Variants in NFIA observed in about 807,000 individuals in gnomAD.
NFIA encodes the protein nuclear factor I A.
A neutral mutation model predicts 62.8 loss-of-function variants in NFIA; 8 were observed. The ratio of observed to expected loss-of-function variants is 0.13; its 90% CI spans 0.07 to 0.23. NFIA has a LOEUF of 0.23. Among genes scored for constraint, NFIA ranks in the 10% least tolerant of loss-of-function variants. The pLI is 1.00. For missense variants in NFIA, 410 were observed against 642.1 expected, an observed-to-expected ratio of 0.64 and a Z score of 3.91; for synonymous variants, 235 against 238.1, an observed-to-expected ratio of 0.99 and a Z score of 0.12.
chr1:61,158,493 C>T (rs1428586860), intron 2 of NFIA, among the ~76,000 whole-genome samples: 1 of 152,096 alleles, frequency 6.6e-6, no homozygotes, highest in African/African-American at 2.4e-5. Flanking sequence ...CATTCAGATG[C>T]CTAGGATTAA....
At chr1:61,383,681 A>T (rs922128106) in intron 7 of NFIA, among the ~76,000 whole-genome samples, 3 of 151,640 alleles carry the variant, frequency 2.0e-5, no homozygotes, top group African/African-American at 7.3e-5. Context: ...TGTGTGTGAG[A>T]GAGAGAGACA....
At chr1:61,173,757 G>C (rs1296627790) in intron 2 of NFIA, among the ~76,000 whole-genome samples, 7 of 152,108 alleles carry the variant, frequency 4.6e-5, no homozygotes, top group Non-Finnish European at 1.0e-4. Context: ...GGGAGAATGA[G>C]GGTACATGCC....
Position 61,212,030 on chromosome 1 carries a change from T to G in NFIA, c.560-65490T>G, listed in dbSNP as rs10493306. 5.9e-5 allele frequency among the ~76,000 whole-genome samples: 9 copies of G among 152,270 alleles called. No individual in the cohort carries two copies. In the East Asian group the frequency reaches 1.5e-3, roughly 26 times the overall value. On this transcript the variant is annotated intron_variant, in intron 2 of 10. Transcript: ENST00000403491. Reference sequence around the variant, plus strand: ...GAAGTTTTAGTCTTCATGAGTCTTATGCGCTTAGGGTGTGGATTTAAATTA... The same window carrying G: ...GAAGTTTTAGTCTTCATGAGTCTTAGGCGCTTAGGGTGTGGATTTAAATTA...
chr1:61,219,059 C>T (rs904303717), intron 2 of NFIA, among the ~76,000 whole-genome samples: 2 of 152,034 alleles, frequency 1.3e-5, no homozygotes, highest in Non-Finnish European at 2.9e-5. Flanking sequence ...TGGAGAAACC[C>T]CGTCTCTACT....
At position 61,387,468 on chromosome 1, in the gene NFIA, C is replaced by CTTTT. The variant is rs33965994; in HGVS notation, c.1075+4123_1075+4126dup. 4.1e-3 allele frequency among the ~76,000 whole-genome samples: 390 copies of CTTTT among 95,346 alleles called. 1 individual carries two copies. Among genetic ancestry groups the CTTTT allele is most frequent in the Middle Eastern group, 6.4e-3 (1 of 156 alleles). 62.6% of individuals were successfully genotyped at this position (95,346 alleles called of 152,430 possible). On this transcript the variant is annotated intron_variant, in intron 7 of 10. Coordinates refer to ENST00000403491, the MANE Select transcript of NFIA (RefSeq NM_001134673.4). ...TCCCCCAGATCAGCTCAAGCACTTT[C>CTTTT]TTTTTTTTTTTTTTTTTTTTTTTGA...
intron 1 of NFIA, among the ~76,000 whole-genome samples, chr1:61,083,746 A>G (rs1251661146): frequency 2.0e-5 from 3 of 150,956 alleles, no homozygotes; most frequent in South Asian, 2.1e-4. Context: ...CCCGGGCCGG[A>G]CACGGCTCCC....
intron 2 of NFIA, among the ~76,000 whole-genome samples, chr1:61,143,699 T>C (rs1234511886): frequency 1.3e-5 from 2 of 152,180 alleles, no homozygotes; most frequent in Non-Finnish European, 2.9e-5. Flanking sequence ...CCTTCATATG[T>C]TATTTCTGAT....
chr1:61,228,689 T>TA (rs1654482260), intron 2 of NFIA, among the ~76,000 whole-genome samples: 1 of 149,896 alleles, frequency 6.7e-6, no homozygotes, highest in East Asian at 1.9e-4. Context: ...TCTGTATTTT[T>TA]TAAAAAAAAT....
At chr1:61,255,905 A>G (rs368786594) in intron 2 of NFIA, among the ~76,000 whole-genome samples, 1 of 152,174 alleles carries the variant, frequency 6.6e-6, no homozygotes, top group East Asian at 1.9e-4. Flanking sequence ...CAAGCTTCCC[A>G]TGTCAACTAA....
intron 2 of NFIA, among the ~76,000 whole-genome samples, chr1:61,144,598 GA>G (rs1014098621): frequency 4.6e-5 from 7 of 152,172 alleles, no homozygotes; most frequent in African/African-American, 1.7e-4. Flanking sequence ...GAACTTGGGA[GA>G]GTTAGGAAAA....
chr1:61,356,647 T>C (rs893543845), intron 5 of NFIA, among the ~76,000 whole-genome samples: 8 of 152,214 alleles, frequency 5.3e-5, no homozygotes, highest in African/African-American at 1.9e-4. Context: ...TAGTTTTACA[T>C]AAAATATAGA....
chr1:61,274,303 G>A (rs780629255), intron 2 of NFIA, among the ~76,000 whole-genome samples: 199 of 152,242 alleles, frequency 1.3e-3, no homozygotes, highest in Non-Finnish European at 2.4e-3. Flanking sequence ...AAAATCCAAA[G>A]AAACATTGCT....
intron 2 of NFIA, among the ~76,000 whole-genome samples, chr1:61,256,883 G>A (rs1047576786): frequency 6.6e-6 from 1 of 152,082 alleles, no homozygotes; most frequent in Non-Finnish European, 1.5e-5. Flanking sequence ...GTGTGTGCTT[G>A]TGCCAGCCTG....
At chr1:61,287,255 A>G (rs1377167167) in intron 3 of NFIA, among the ~76,000 whole-genome samples, 2 of 152,212 alleles carry the variant, frequency 1.3e-5, no homozygotes, top group Non-Finnish European at 2.9e-5. Flanking sequence ...AGCATTGTTA[A>G]GGAATGAGAC....
At chr1:61,283,715 T>C (rs1204904936) in intron 3 of NFIA, among the ~76,000 whole-genome samples, 1 of 152,044 alleles carries the variant, frequency 6.6e-6, no homozygotes, top group Non-Finnish European at 1.5e-5. Flanking sequence ...TTATTCTCTT[T>C]AAAAATTGTG....
rs562014379 is a variant in NFIA, at chr1:61,434,354, C to T, written c.1512+7798C>T. Among the ~76,000 whole-genome samples the T allele has an allele frequency of 5.9e-5, 9 of 152,274 alleles. No homozygotes were observed. The South Asian group carries it at 1.9e-3, about 32-fold the overall frequency. ...GCAATCTGCTTCCCCTCCCTCCATA[C>T]TACTGTGGGCAGGAGTGAATCGTCC... On this transcript the variant is annotated intron_variant, in intron 10 of 10. Coordinates refer to ENST00000403491, the MANE Select transcript of NFIA (RefSeq NM_001134673.4).
At chr1:61,370,101 A>G (rs1193532091) in intron 6 of NFIA, among the ~76,000 whole-genome samples, 1 of 152,216 alleles carries the variant, frequency 6.6e-6, no homozygotes, top group Non-Finnish European at 1.5e-5. Flanking sequence ...CCCAGAAGTC[A>G]ATCAATAGTG....
intron 3 of NFIA, among the ~76,000 whole-genome samples, chr1:61,297,593 C>G (rs1659255405): frequency 2.0e-5 from 3 of 152,080 alleles, no homozygotes; most frequent in Non-Finnish European, 4.4e-5. Flanking sequence ...TATTTTAACT[C>G]TACATGAAAC....
At chr1:61,218,778 G>A (rs1393910931) in intron 2 of NFIA, among the ~76,000 whole-genome samples, 1 of 152,148 alleles carries the variant, frequency 6.6e-6, no homozygotes, top group East Asian at 1.9e-4. Flanking sequence ...ATTCTGTGAT[G>A]GTCACTGAGT....
Sources: allele counts gnomAD v4.1 joint callset (sites outside exome capture counted in the v4.1 genomes callset), GRCh38; gene constraint gnomAD v4.1.1; transcripts MANE v1.5; gene names NCBI Gene and HGNC (gene_info 2026-07-23, HGNC 2026-07-21).